SETD2: variants seen among roughly 807,000 people sequenced by gnomAD.
SETD2 encodes histone-lysine N-methyltransferase SETD2.
In SETD2, 31 loss-of-function variants were observed where a neutral mutation model predicts 242.1. The observed-to-expected ratio is 0.13, with a 90% CI of 0.10 to 0.17. SETD2 has a LOEUF of 0.17. SETD2 is among the 10% of genes least tolerant of loss of function. The pLI is 1.00. For synonymous variants in SETD2, 1,006 were observed against 1,066.5 expected (o/e 0.94, Z 1.11); for missense variants, 2,481 against 3,046.3 (o/e 0.81, Z 4.37).
chr3:47,066,050 C>T (rs2040543698), intron 13 of SETD2, among the ~76,000 whole-genome samples: 1 of 152,120 alleles, frequency 6.6e-6, no homozygotes, highest in Non-Finnish European at 1.5e-5. Flanking sequence ...AACTGTGCCA[C>T]CCAAGACAGC....
intron 15 of SETD2, among the ~76,000 whole-genome samples, chr3:47,047,919 C>T (rs931237572): frequency 6.6e-6 from 1 of 152,288 alleles, no homozygotes; most frequent in East Asian, 1.9e-4. Flanking sequence ...GAGGTACTTA[C>T]ACATCATACA....
In SETD2 at chr3:47,056,864, C is replaced by A. The variant is rs769772469; in HGVS notation, c.6920G>T (p.Gly2307Val). 6.2e-7 allele frequency: 1 copy of A among 1,614,238 alleles called. No individual in the cohort carries two copies. Among genetic ancestry groups the A allele is most frequent in the South Asian group, 1.1e-5 (1 of 91,090 alleles). Residue 2307 changes from glycine (G) to valine (V), a missense_variant, in exon 15 of 21, where the codon GGT becomes GTT. Physicochemically the swap from Gly to Val is moderately radical, Grantham distance 109. This residue lies in a region of SETD2 where 235 missense variants were observed against 293.9 expected (regional missense o/e 0.80). Transcript: ENST00000409792. ...TGTCTGTGAATAAGGTGATGTCACA[C>A]CATAGACTGTTGGACATGTCTGTCC... ...YQGQTCPTVY[G>V]VTSPYSQTTP... is the part of the protein sequence containing the mutation.
chr3:47,064,658 T>TA (rs2040482920), intron 13 of SETD2: 2 of 402,514 alleles, frequency 5.0e-6, no homozygotes, highest in Non-Finnish European at 1.0e-5. Flanking sequence ...AGGGTAAAGT[T>TA]AGACTACGTA....
Position 47,126,299 on chromosome 3 carries a change from G to T in SETD2, c.87+349C>A, listed in dbSNP as rs1365850169. On this transcript the variant is annotated intron_variant, in intron 2 of 20. Coordinates refer to ENST00000409792, the MANE Select transcript of SETD2 (RefSeq NM_014159.7). Reference sequence around the variant, plus strand: ...AGCTTCCCAAAGTGCTGGGATTACAGGCATGAGCCAAATACTTTTAAGAAA... The same window carrying T: ...AGCTTCCCAAAGTGCTGGGATTACATGCATGAGCCAAATACTTTTAAGAAA... Among the ~76,000 whole-genome samples the T allele has an allele frequency of 2.0e-5, 3 of 152,198 alleles. No homozygotes were observed. In the East Asian group the frequency reaches 5.8e-4, roughly 29 times the overall value.
intron 1 of SETD2, among the ~76,000 whole-genome samples, chr3:47,133,788 T>G (rs138778846): frequency 6.6e-6 from 1 of 152,154 alleles, no homozygotes; most frequent in Non-Finnish European, 1.5e-5. Flanking sequence ...GGAAAAACAT[T>G]ACCTCAAATC....
chr3:47,101,875 C>T (rs746296037), intron 7 of SETD2, among the ~76,000 whole-genome samples: 1 of 152,112 alleles, frequency 6.6e-6, no homozygotes, highest in Non-Finnish European at 1.5e-5. Flanking sequence ...CATTTCCATA[C>T]AGTAAAGATT....
intron 1 of SETD2, among the ~76,000 whole-genome samples, chr3:47,142,064 T>G (rs2043742384): frequency 6.6e-6 from 1 of 152,204 alleles, no homozygotes; most frequent in African/African-American, 2.4e-5. Context: ...ATCCATCATT[T>G]CATACAGAAA....
intron 18 of SETD2, among the ~76,000 whole-genome samples, chr3:47,021,425 A>T (rs970117675): frequency 5.3e-5 from 8 of 152,200 alleles, no homozygotes; most frequent in Non-Finnish European, 1.0e-4. Context: ...AAATGAACCC[A>T]AAGCACTTTT....
At chr3:47,094,908 A>G (rs1307776875) in intron 9 of SETD2, among the ~76,000 whole-genome samples, 3 of 152,166 alleles carry the variant, frequency 2.0e-5, no homozygotes, top group African/African-American at 7.2e-5. Flanking sequence ...TTGGCACACT[A>G]TTACCTGAAT....
chr3:47,164,087 C>T lies in SETD2; in HGVS notation c.-163G>A. ...CTACCTCGCTCGTCGCTCCCTCCCT[C>T]CCTCGGACGCCCGCCAGCCGCTCTC... On this transcript the variant is annotated 5_prime_UTR_variant, in exon 1 of 21. Transcript: ENST00000409792. The surrounding 1 kb of genome is among the most constrained non-coding windows in gnomAD (Gnocchi z 5.4). 2.6e-6 allele frequency: 3 copies of T among 1,153,608 alleles called. No individual in the cohort carries two copies. Among genetic ancestry groups the T allele is most frequent in the African/African-American group, 1.6e-5 (1 of 62,468 alleles). 71.5% of individuals were successfully genotyped at this position (1,153,608 alleles called of 1,614,324 possible).
intron 3 of SETD2, among the ~76,000 whole-genome samples, chr3:47,117,621 C>T (rs2107732551): frequency 6.6e-6 from 1 of 152,290 alleles, no homozygotes; most frequent in South Asian, 2.1e-4. Context: ...TTTAGAGAAT[C>T]TTTCAGTAAC....
Position 47,163,865 on chromosome 3 carries a change from G to A in SETD2, c.60C>T (p.His20=). ...GAGCTGATACTTACTCAGGGGTCGG[G>A]TGCTCCGGGTCGTAGAAATCCCCCA... ...PKMGDFYDPE[H]PTPEEEENEA... is the part of the protein sequence containing the mutation. The change falls in exon 1 of 21, where the codon CAC becomes CAT. Residue 20 remains histidine (H), a synonymous_variant. Coordinates refer to ENST00000409792, the MANE Select transcript of SETD2 (RefSeq NM_014159.7). The A allele has an allele frequency of 7.6e-7, 1 of 1,310,956 alleles. No homozygotes were observed. The highest frequency in any genetic ancestry group is 9.8e-7 in the Non-Finnish European group (1 of 1,023,392). 81.2% of individuals were successfully genotyped at this position (1,310,956 alleles called of 1,614,324 possible).
At chr3:47,085,229 A>G (rs2041502185) in intron 11 of SETD2, among the ~76,000 whole-genome samples, 1 of 152,228 alleles carries the variant, frequency 6.6e-6, no homozygotes, top group Non-Finnish European at 1.5e-5. Flanking sequence ...AGGACTGATT[A>G]ATATTCTCTA....
chr3:47,149,798 G>A (rs577276607), intron 1 of SETD2, among the ~76,000 whole-genome samples: 74 of 152,156 alleles, frequency 4.9e-4, no homozygotes, highest in Non-Finnish European at 7.3e-4. Context: ...TTCAATCTCA[G>A]CTAGTTGTTC....
At chr3:47,041,319 G>A (rs908388318) in intron 17 of SETD2, 2 of 425,106 alleles carry the variant, frequency 4.7e-6, no homozygotes, top group East Asian at 1.5e-4. Flanking sequence ...GGCATAGTTT[G>A]CCAGCCCTGC....
At chr3:47,145,204 A>G (rs1002431405) in intron 1 of SETD2, among the ~76,000 whole-genome samples, 1 of 152,188 alleles carries the variant, frequency 6.6e-6, no homozygotes, top group Non-Finnish European at 1.5e-5. Context: ...AGTATGTCCA[A>G]CTTTTTCAGA....
chr3:47,145,288 G>A (rs386470658), intron 1 of SETD2, among the ~76,000 whole-genome samples: 148 of 152,230 alleles, frequency 9.7e-4, no homozygotes, highest in Non-Finnish European at 1.7e-3. Context: ...CACCAAATTT[G>A]TTTATGTTTC....
intron 1 of SETD2, among the ~76,000 whole-genome samples, chr3:47,158,343 G>T (rs1267699352): frequency 6.6e-6 from 1 of 152,032 alleles, no homozygotes; most frequent in Non-Finnish European, 1.5e-5. Flanking sequence ...GAACTGTCCA[G>T]GTCCACTTAT....
rs552346720 is a variant in SETD2, at chr3:47,083,392, A to AT, written c.6060+327dup. Among the ~76,000 whole-genome samples, 11 of 152,232 alleles carry AT rather than the reference A, an allele frequency of 7.2e-5. No individual in the cohort carries two copies. In the East Asian group the frequency reaches 2.1e-3, roughly 29 times the overall value. Reference sequence around the variant, plus strand: ...TGATTTCCAATAAATTTAAACACTAATTTTTTCTCATTACAAATAGAATCC... The same window carrying AT: ...TGATTTCCAATAAATTTAAACACTAATTTTTTTCTCATTACAAATAGAATCC... On this transcript the variant is annotated intron_variant, in intron 12 of 20. Transcript: ENST00000409792.
Sources: allele counts gnomAD v4.1 joint callset (sites outside exome capture counted in the v4.1 genomes callset), GRCh38; gene constraint gnomAD v4.1.1; regional missense constraint gnomAD v4.1.1; non-coding constraint Gnocchi (gnomAD v3.1); transcripts MANE v1.5; gene names NCBI Gene and HGNC (gene_info 2026-07-23, HGNC 2026-07-21).